GLIS3: variants seen among roughly 807,000 people sequenced by gnomAD.
GLIS3 encodes the protein zinc finger protein GLIS3.
Under a neutral mutation model 78.6 loss-of-function variants are expected in GLIS3, and 53 were observed. The observed-to-expected ratio is 0.67, with a 90% CI of 0.54 to 0.85. The LOEUF is 0.85. GLIS3 is among the 40% of genes least tolerant of loss of function. GLIS3 has a pLI of 0.00. For synonymous variants in GLIS3, 684 were observed against 509.9 expected, an observed-to-expected ratio of 1.34 and a Z score of -4.60; for missense variants, 1,703 against 1,231.1, an observed-to-expected ratio of 1.38 and a Z score of -5.74.
At chr9:4,057,005 G>C (rs1243137816) in intron 4 of GLIS3, among the ~76,000 whole-genome samples, 1 of 145,298 alleles carries the variant, frequency 6.9e-6, no homozygotes, top group Non-Finnish European at 1.5e-5. Flanking sequence ...GAATTATCTA[G>C]TGCATTATCT....
Position 4,118,945 on chromosome 9 carries a change from T to C in GLIS3, c.597-64A>G, listed in dbSNP as rs1831974491. ...AACATTTTAGCAGGATACGGATTGC[T>C]TAAGAGCTAAAAGAACACTGCATTG... On this transcript the variant is annotated intron_variant, in intron 3 of 10. Coordinates refer to ENST00000381971, the MANE Select transcript of GLIS3 (RefSeq NM_001042413.2). The surrounding 1 kb of genome is among the most constrained non-coding windows in gnomAD (Gnocchi z 4.7). The C allele has an allele frequency of 6.5e-7, 1 of 1,528,590 alleles. No homozygotes were observed. The highest frequency in any genetic ancestry group is 1.4e-5 in the African/African-American group (1 of 73,222). 94.7% of individuals were successfully genotyped at this position (1,528,590 alleles called of 1,614,324 possible). A position where few individuals can be genotyped will look rare whatever the true frequency, so the allele number is the denominator to read the frequency against.
intron 4 of GLIS3, among the ~76,000 whole-genome samples, chr9:4,097,451 A>G (rs528679663): frequency 6.6e-6 from 1 of 151,974 alleles, no homozygotes; most frequent in Admixed American, 6.6e-5. Flanking sequence ...TTCTCACTCT[A>G]TCCTAGAAAT....
chr9:4,388,104 G>T, the GLIS3 span, among the ~76,000 whole-genome samples: 2 of 152,158 alleles, frequency 1.3e-5, no homozygotes, highest in Admixed American at 6.5e-5. Context: ...TTCAGCCTTT[G>T]TCTTTTATCT....
At chr9:4,060,432 A>C (rs1826550636) in intron 4 of GLIS3, among the ~76,000 whole-genome samples, 1 of 152,148 alleles carries the variant, frequency 6.6e-6, no homozygotes, top group Non-Finnish European at 1.5e-5. Flanking sequence ...GTTATGATTT[A>C]ATATTTGCCC....
At chr9:3,956,398 G>A (rs1484786148) in intron 4 of GLIS3, among the ~76,000 whole-genome samples, 1 of 152,168 alleles carries the variant, frequency 6.6e-6, no homozygotes, top group African/African-American at 2.4e-5. Context: ...AAATGTCCTG[G>A]ACAGAAGCCT....
chr9:4,286,852 T>C (rs1056973489), intron 1 of GLIS3, among the ~76,000 whole-genome samples: 5 of 152,222 alleles, frequency 3.3e-5, no homozygotes, highest in African/African-American at 9.6e-5. Context: ...CTGTCCATAC[T>C]AGTTCACTTT....
intron 2 of GLIS3, among the ~76,000 whole-genome samples, chr9:4,133,103 G>C (rs1354466484): frequency 1.3e-5 from 2 of 152,162 alleles, no homozygotes; most frequent in East Asian, 1.9e-4. Context: ...AGATAAAGTT[G>C]AAGCTCATCG....
intron 2 of GLIS3, among the ~76,000 whole-genome samples, chr9:4,262,570 T>C (rs1825628271): frequency 6.6e-6 from 1 of 152,158 alleles, no homozygotes; most frequent in South Asian, 2.1e-4. Context: ...AACAACTCAA[T>C]AAATATTTAC....
the GLIS3 span, among the ~76,000 whole-genome samples, chr9:4,488,246 C>T: frequency 6.6e-6 from 1 of 152,106 alleles, no homozygotes; most frequent in Non-Finnish European, 1.5e-5. Flanking sequence ...TGAGCCACTG[C>T]ACCTGGCCAA....
chr9:4,132,041 T>A (rs1455603823), intron 2 of GLIS3, among the ~76,000 whole-genome samples: 4 of 150,464 alleles, frequency 2.7e-5, no homozygotes, highest in Non-Finnish European at 4.4e-5. Context: ...CTACGGCCAA[T>A]GTTTTTTTTA....
chr9:4,253,850 G>C (rs1350585806), intron 2 of GLIS3, among the ~76,000 whole-genome samples: 2 of 152,136 alleles, frequency 1.3e-5, no homozygotes, highest in African/African-American at 4.8e-5. Context: ...GCTTCCCCTG[G>C]CTAGGGGAGG....
chr9:4,287,048 G>A (rs1458730665), intron 1 of GLIS3, among the ~76,000 whole-genome samples: 3 of 152,188 alleles, frequency 2.0e-5, no homozygotes, highest in African/African-American at 7.2e-5. Context: ...CGAAAAAGAT[G>A]AACACCTAGG....
intron 8 of GLIS3, among the ~76,000 whole-genome samples, chr9:3,873,495 A>G (rs1311477215): frequency 2.0e-5 from 3 of 152,242 alleles, no homozygotes; most frequent in African/African-American, 7.2e-5. Context: ...AATAGAAGGA[A>G]TAAATTCAAT....
rs995605856 is a variant in GLIS3 at position 3,825,312 on chromosome 9, T to C, written c.*2960A>G. 2 of 152,212 alleles carry C rather than the reference T, an allele frequency of 1.3e-5. No individual in the cohort carries two copies. The highest frequency in any genetic ancestry group is 4.8e-5 in the African/African-American group (2 of 41,466). 9.4% of individuals were successfully genotyped at this position (152,212 alleles called of 1,614,324 possible). On this transcript the variant is annotated 3_prime_UTR_variant, in exon 11 of 11. Coordinates refer to ENST00000381971, the MANE Select transcript of GLIS3 (RefSeq NM_001042413.2). ...GTAATGGGAGATACCCCACAGGACC[T>C]GTAAATATTTAAATAATATTTAACA...
At chr9:4,227,141 T>G (rs573394345) in intron 2 of GLIS3, among the ~76,000 whole-genome samples, 1 of 152,114 alleles carries the variant, frequency 6.6e-6, no homozygotes, top group Non-Finnish European at 1.5e-5. Flanking sequence ...CACTGGAGCC[T>G]CAGGTCTTGC....
chr9:4,462,586 A>G, the GLIS3 span, among the ~76,000 whole-genome samples: 1 of 145,822 alleles, frequency 6.9e-6, no homozygotes, highest in Non-Finnish European at 1.5e-5. Flanking sequence ...GCGAGATTCC[A>G]TCTCTATAAC....
At chr9:4,204,749 AG>A (rs1371401831) in intron 2 of GLIS3, among the ~76,000 whole-genome samples, 5 of 151,916 alleles carry the variant, frequency 3.3e-5, no homozygotes, top group African/African-American at 9.7e-5. Context: ...CCGTGTCTCT[AG>A]TAAAATACAA....
the GLIS3 span, among the ~76,000 whole-genome samples, chr9:4,442,842 T>C: frequency 6.6e-6 from 1 of 152,174 alleles, no homozygotes; most frequent in African/African-American, 2.4e-5. Context: ...TCCCTCTCTA[T>C]AGAAGTTTTG....
At chr9:4,252,613 A>T (rs1824505445) in intron 2 of GLIS3, among the ~76,000 whole-genome samples, 2 of 152,114 alleles carry the variant, frequency 1.3e-5, no homozygotes, top group Admixed American at 6.5e-5. Flanking sequence ...ACTTCTGTTA[A>T]TTCATCAAAC....
Sources: allele counts gnomAD v4.1 joint callset (sites outside exome capture counted in the v4.1 genomes callset), GRCh38; gene constraint gnomAD v4.1.1; non-coding constraint Gnocchi (gnomAD v3.1); transcripts MANE v1.5; gene names NCBI Gene and HGNC (gene_info 2026-07-23, HGNC 2026-07-21).